The following RCN2 variants were observed in gnomAD, a reference collection of about 807,000 sequenced individuals.
RCN2 encodes the protein reticulocalbin-2.
RCN2 carries 23 observed loss-of-function variants against 37.5 expected under a neutral mutation model. That is an observed-to-expected ratio of 0.61 (90% CI 0.44 to 0.87). The LOEUF (loss-of-function observed/expected upper bound fraction) is 0.87. Among genes scored for constraint, RCN2 ranks in the 40% least tolerant of loss-of-function variants. The probability of loss-of-function intolerance (pLI) is 0.00; values close to 1 mark genes in which losing one functional copy is unlikely to be tolerated. For synonymous variants in RCN2, 140 were observed against 144.6 expected (o/e 0.97, Z 0.23); for missense variants, 381 against 390.4 (o/e 0.98, Z 0.20).
intron 4 of RCN2, 82 bp downstream of exon 4, chr15:76,943,953 GTAGGTATA>G: frequency 4.0e-6 from 2 of 495,068 alleles, no homozygotes; most frequent in Non-Finnish European, 7.5e-6. Flanking sequence ...TGGGTACATA[GTAGGTATA>G]TATGTTTATG....
chr15:76,943,550 T>C (rs1304280923), intron 3 of RCN2: 4 of 388,604 alleles, frequency 1.0e-5, no homozygotes, highest in Non-Finnish European at 1.9e-5. Flanking sequence ...GTGGCATTGC[T>C]GGAATTCAGG....
rs60194309 is a variant in RCN2 at position 76,954,039 on chromosome 15, G to GTTTTTTTTTTTTTTTTTTTTT, written c.*4830_*4831insTTTTTTTTTTTTTTTTTTTTT. On this transcript the variant is annotated 3_prime_UTR_variant, in exon 7 of 7. Transcript: ENST00000394885. ...TCCTTACCAACACTTGCTATTTTCT[G>GTTTTTTTTTTTTTTTTTTTTT]TTTTTTTTTTTTTCTTTTTTTTTTT... The GTTTTTTTTTTTTTTTTTTTTT allele has an allele frequency of 5.3e-5, 7 of 131,002 alleles. No homozygotes were observed. Among genetic ancestry groups the GTTTTTTTTTTTTTTTTTTTTT allele is most frequent in the African/African-American group, 5.9e-5 (2 of 33,680 alleles). 8.1% of individuals were successfully genotyped at this position (131,002 alleles called of 1,614,324 possible).
Position 76,949,405 on chromosome 15 carries a change from CA to C in RCN2, c.*187del. On this transcript the variant is annotated 3_prime_UTR_variant, in exon 7 of 7. Coordinates refer to ENST00000394885, the MANE Select transcript of RCN2 (RefSeq NM_002902.3). ...AAAAACAAAAATCTGATATTTATTTCAAAATGTATTGAAGCAACAAAATATT... is the reference window on the plus strand; with the variant it reads ...AAAAACAAAAATCTGATATTTATTTCAAATGTATTGAAGCAACAAAATATT... The C allele has an allele frequency of 2.2e-6, 1 of 451,324 alleles. No homozygotes were observed. The highest frequency in any genetic ancestry group is 3.8e-6 in the Non-Finnish European group (1 of 261,922). 28.0% of individuals were successfully genotyped at this position (451,324 alleles called of 1,614,324 possible). A position where few individuals can be genotyped will look rare whatever the true frequency, so the allele number is the denominator to read the frequency against.
rs2152652496 is a variant in RCN2, at chr15:76,951,867, A to G, written c.*2645A>G. The G allele has an allele frequency of 6.6e-6, 1 of 152,294 alleles. No individual in the cohort carries two copies. Among genetic ancestry groups the G allele is most frequent in the South Asian group, 2.1e-4 (1 of 4,826 alleles). The allele number at this position is 152,294 out of a possible 1,614,324, so 9.4% of individuals were successfully genotyped here. The stretch of plus-strand genomic sequence containing the variant: ...GGGGAAAATTGAATGGGATGTGCAC[A>G]TGTTGGCTCATATGTAGTTCTGATT... On this transcript the variant is annotated 3_prime_UTR_variant, in exon 7 of 7. Transcript: ENST00000394885.
chr15:76,933,903 G>A (rs925778674), intron 2 of RCN2, among the ~76,000 whole-genome samples: 1 of 152,132 alleles, frequency 6.6e-6, no homozygotes, highest in African/African-American at 2.4e-5. Flanking sequence ...TGGCTTTGAA[G>A]CCAGACAGGT....
At position 76,947,461 on chromosome 15, in the gene RCN2, A is replaced by G. The variant is rs2075301027; in HGVS notation, c.602A>G (p.Asn201Ser). Reference sequence around the variant, plus strand: ...GAAGCTTTAGAAGAACATGACAAAAATGGTGATGGATTTGTTAGTTTGGAA... The same window carrying G: ...GAAGCTTTAGAAGAACATGACAAAAGTGGTGATGGATTTGTTAGTTTGGAA... ...IQEALEEHDK[N>S]GDGFVSLEEF... is the part of the protein sequence containing the mutation. The change falls in exon 5 of 7, where the codon AAT (asparagine) becomes AGT (serine). Residue 201 changes from asparagine to serine, a missense_variant. Transcript: ENST00000394885. 6.2e-7 allele frequency: 1 copy of G among 1,609,744 alleles called. No homozygotes were observed. The highest frequency in any genetic ancestry group is 1.1e-5 in the South Asian group (1 of 90,236).
chr15:76,935,395 A>C, intron 2 of RCN2, 131 bp from the exon 3 acceptor site: 1 of 646,580 alleles, frequency 1.5e-6, no homozygotes, highest in Admixed American at 2.9e-5. Context: ...CATTTCTATT[A>C]ATACAACTAG....
At chr15:76,945,541 A>G (rs184261092) in intron 4 of RCN2, among the ~76,000 whole-genome samples, 35 of 152,340 alleles carry the variant, frequency 2.3e-4, no homozygotes, top group African/African-American at 7.2e-4. Flanking sequence ...TTGAGTCCCT[A>G]TTATGACTTG....
chr15:76,936,756 G>T (rs535240569), intron 3 of RCN2, among the ~76,000 whole-genome samples: 1 of 152,178 alleles, frequency 6.6e-6, no homozygotes. Context: ...TGATAGGGAG[G>T]TCTTGGAACC....
chr15:76,933,685 T>A (rs935898990), intron 2 of RCN2, among the ~76,000 whole-genome samples: 3 of 152,244 alleles, frequency 2.0e-5, no homozygotes, highest in African/African-American at 7.2e-5. Flanking sequence ...ATGGCAAAGC[T>A]GAAGTGTGAA....
chr15:76,953,574 TATATATATATATA>T lies in RCN2; in HGVS notation c.*4353_*4365del, dbSNP rs1568463477. 1.5e-4 allele frequency: 3 copies of T among 19,774 alleles called. No individual in the cohort carries two copies. Among genetic ancestry groups the T allele is most frequent in the Non-Finnish European group, 3.3e-4 (3 of 9,158 alleles). 1.2% of individuals were successfully genotyped at this position (19,774 alleles called of 1,614,324 possible). ...GTAATTCTATATATATATATATATATATATATATATATATATATATTTTTTTTTTTTTTTTTTT... is the reference window on the plus strand; with the variant it reads ...GTAATTCTATATATATATATATATATTATATATTTTTTTTTTTTTTTTTTT... On this transcript the variant is annotated 3_prime_UTR_variant, in exon 7 of 7. Coordinates refer to ENST00000394885, the MANE Select transcript of RCN2 (RefSeq NM_002902.3).
intron 3 of RCN2, chr15:76,942,142 A>C (rs1434202439): frequency 6.6e-6 from 1 of 152,378 alleles, no homozygotes; most frequent in South Asian, 2.1e-4. Flanking sequence ...GATGTTAATA[A>C]AACAAATTCT....
chr15:76,934,404 A>C (rs1448055339), intron 2 of RCN2, among the ~76,000 whole-genome samples: 4 of 152,148 alleles, frequency 2.6e-5, no homozygotes, highest in African/African-American at 4.8e-5. Flanking sequence ...AGCCTCCCAA[A>C]GTGCTGGGAT....
At chr15:76,945,995 G>T (rs954132133) in intron 4 of RCN2, among the ~76,000 whole-genome samples, 3 of 152,222 alleles carry the variant, frequency 2.0e-5, no homozygotes, top group African/African-American at 7.2e-5. Flanking sequence ...AGGAACAATT[G>T]AAGACTAAAG....
In RCN2 at chr15:76,944,217, G is replaced by A. The variant is rs535768918; in HGVS notation, c.561+346G>A. 1.4e-4 allele frequency among the ~76,000 whole-genome samples: 21 copies of A among 151,892 alleles called. No individual in the cohort carries two copies. The South Asian group carries it at 3.1e-3, about 23-fold the overall frequency. On this transcript the variant is annotated intron_variant, in intron 4 of 6. Transcript: ENST00000394885. ...ACCGTGGTCTCAATCTCCTGACCTCGTGATCCGCCCGCCTCGGCTTGCCAA... is the reference window on the plus strand; with the variant it reads ...ACCGTGGTCTCAATCTCCTGACCTCATGATCCGCCCGCCTCGGCTTGCCAA...
intron 2 of RCN2, among the ~76,000 whole-genome samples, chr15:76,934,439 G>C (rs896669035): frequency 6.6e-6 from 1 of 152,208 alleles, no homozygotes; most frequent in Non-Finnish European, 1.5e-5. Flanking sequence ...ACTGAGCCCA[G>C]CCAAATAGAT....
rs2075325968 is a variant in RCN2, at chr15:76,952,456, A to G, written c.*3234A>G. On this transcript the variant is annotated 3_prime_UTR_variant, in exon 7 of 7. Coordinates refer to ENST00000394885, the MANE Select transcript of RCN2 (RefSeq NM_002902.3). ...AAATACACATAACAAAATTCATCTT[A>G]ACAGTTTTTAATTGTACAGTTCGGT... 1 of 152,188 alleles carries G rather than the reference A, an allele frequency of 6.6e-6. No homozygotes were observed. Among genetic ancestry groups the G allele is most frequent in the Non-Finnish European group, 1.5e-5 (1 of 68,042 alleles). 9.4% of individuals were successfully genotyped at this position (152,188 alleles called of 1,614,324 possible).
Position 76,952,499 on chromosome 15 carries a change from A to T in RCN2, c.*3277A>T, listed in dbSNP as rs1370411883. The T allele has an allele frequency of 6.6e-6, 1 of 152,368 alleles. No homozygotes were observed. Among genetic ancestry groups the T allele is most frequent in the Non-Finnish European group, 1.5e-5 (1 of 68,036 alleles). The allele number at this position is 152,368 out of a possible 1,614,324, so 9.4% of individuals were successfully genotyped here. The stretch of plus-strand genomic sequence containing the variant: ...AGTTCGGTGGTATGGTATTAAATAC[A>T]GTCAAAATGTGAAACTATTACCACC... On this transcript the variant is annotated 3_prime_UTR_variant, in exon 7 of 7. Transcript: ENST00000394885.
intron 3 of RCN2, among the ~76,000 whole-genome samples, chr15:76,941,178 C>T (rs955210092): frequency 2.6e-5 from 4 of 152,046 alleles, no homozygotes; most frequent in Admixed American, 2.0e-4. Context: ...GGACTACAGG[C>T]GTGTGCCACT....
Sources: allele counts gnomAD v4.1 joint callset (sites outside exome capture counted in the v4.1 genomes callset), GRCh38; gene constraint gnomAD v4.1.1; transcripts MANE v1.5; gene names NCBI Gene and HGNC (gene_info 2026-07-23, HGNC 2026-07-21).